The following NCAM2 variants were observed in gnomAD, a reference collection of about 807,000 sequenced individuals.
NCAM2 encodes neural cell adhesion molecule 2.
Under a neutral mutation model 98.1 loss-of-function variants are expected in NCAM2, and 30 were observed. The observed-to-expected ratio is 0.31, with a 90% CI of 0.23 to 0.41. The LOEUF (loss-of-function observed/expected upper bound fraction) is 0.41, where lower values mean the gene tolerates loss of function less well. Among genes scored for constraint, NCAM2 ranks in the 10% least tolerant of loss-of-function variants. The pLI is 1.00. For missense variants in NCAM2, 867 were observed against 1,005.8 expected, an observed-to-expected ratio of 0.86 and a Z score of 1.87; for synonymous variants, 368 against 342.4, an observed-to-expected ratio of 1.07 and a Z score of -0.83.
intron 1 of NCAM2, among the ~76,000 whole-genome samples, chr21:21,227,236 C>T (rs1320687927): frequency 6.6e-6 from 1 of 151,654 alleles, no homozygotes; most frequent in East Asian, 1.9e-4. Context: ...TAATTGATGA[C>T]AGTAAATCAA....
chr21:21,276,245 T>C (rs1424870488), intron 1 of NCAM2, among the ~76,000 whole-genome samples: 1 of 152,110 alleles, frequency 6.6e-6, no homozygotes, highest in Non-Finnish European at 1.5e-5. Context: ...AACCCCTTGA[T>C]ATTAGAAAGT....
At chr21:21,502,255 G>A (rs1196358221) in intron 15 of NCAM2, among the ~76,000 whole-genome samples, 3 of 151,848 alleles carry the variant, frequency 2.0e-5, no homozygotes, top group Non-Finnish European at 4.4e-5. Context: ...AAACTCTAAA[G>A]AACAGTTATT....
intron 15 of NCAM2, among the ~76,000 whole-genome samples, chr21:21,487,828 G>A (rs1315193878): frequency 6.6e-6 from 1 of 152,106 alleles, no homozygotes; most frequent in African/African-American, 2.4e-5. Context: ...GTAGGCCTAG[G>A]AGGTAGCAGT....
chr21:21,535,538 C>T (rs1264841065), intron 17 of NCAM2, among the ~76,000 whole-genome samples: 5 of 151,930 alleles, frequency 3.3e-5, no homozygotes, highest in Non-Finnish European at 1.5e-5. Context: ...CATAAATTCC[C>T]TCTGTCTACC....
intron 1 of NCAM2, among the ~76,000 whole-genome samples, chr21:21,120,686 T>A (rs988003313): frequency 2.7e-5 from 4 of 150,880 alleles, no homozygotes; most frequent in Non-Finnish European, 5.9e-5. Context: ...AATTAAAGTT[T>A]AAAAAAATTG....
chr21:21,482,146 C>T (rs1471540399), intron 15 of NCAM2, among the ~76,000 whole-genome samples: 2 of 151,794 alleles, frequency 1.3e-5, no homozygotes, highest in East Asian at 3.9e-4. Context: ...TTACTGAATC[C>T]GGATTGCTAA....
chr21:21,475,409 A>G (rs1985039533), intron 14 of NCAM2, among the ~76,000 whole-genome samples: 1 of 152,088 alleles, frequency 6.6e-6, no homozygotes, highest in South Asian at 2.1e-4. Context: ...TGTCTTGGTC[A>G]CTATTGTGTT....
At chr21:21,091,976 A>G (rs1397060954) in intron 1 of NCAM2, among the ~76,000 whole-genome samples, 1 of 152,088 alleles carries the variant, frequency 6.6e-6, no homozygotes, top group African/African-American at 2.4e-5. Flanking sequence ...TGTTTTTAGT[A>G]CTTAAAAGAG....
At chr21:21,386,492 A>G (rs1351359046) in intron 9 of NCAM2, among the ~76,000 whole-genome samples, 4 of 152,196 alleles carry the variant, frequency 2.6e-5, no homozygotes, top group African/African-American at 9.6e-5. Context: ...AATTTCAAGG[A>G]CAGCAACTGA....
intron 11 of NCAM2, among the ~76,000 whole-genome samples, chr21:21,429,906 G>C (rs1313068248): frequency 6.6e-6 from 1 of 152,116 alleles, no homozygotes; most frequent in Non-Finnish European, 1.5e-5. Context: ...CCGTAAAGCT[G>C]TGCTCCTGGC....
intron 1 of NCAM2, among the ~76,000 whole-genome samples, chr21:21,092,946 T>G (rs987462939): frequency 3.9e-5 from 6 of 152,182 alleles, no homozygotes; most frequent in Non-Finnish European, 4.4e-5. Flanking sequence ...TCTACAGAAT[T>G]TTTGCAACAA....
At chr21:21,191,031 CT>C (rs1412683963) in intron 1 of NCAM2, among the ~76,000 whole-genome samples, 1 of 152,018 alleles carries the variant, frequency 6.6e-6, no homozygotes, top group Non-Finnish European at 1.5e-5. Flanking sequence ...CATCTAAAAG[CT>C]TTTTACAAAT....
intron 12 of NCAM2, among the ~76,000 whole-genome samples, chr21:21,457,031 T>C (rs968190248): frequency 4.6e-5 from 7 of 152,270 alleles, no homozygotes; most frequent in African/African-American, 1.7e-4. Context: ...CACCAAAAAG[T>C]AGAGGTGCTG....
At chr21:21,446,846 G>A (rs2146107092) in intron 12 of NCAM2, among the ~76,000 whole-genome samples, 1 of 152,112 alleles carries the variant, frequency 6.6e-6, no homozygotes, top group East Asian at 1.9e-4. Context: ...GCTAACAAGG[G>A]AATGTGAAGT....
chr21:21,430,891 C>CA (rs2077322805), intron 11 of NCAM2, among the ~76,000 whole-genome samples: 1 of 151,384 alleles, frequency 6.6e-6, no homozygotes, highest in Non-Finnish European at 1.5e-5. Flanking sequence ...ACTAAAAATA[C>CA]AAAAATTAGC....
chr21:21,092,109 C>T (rs1189033417), intron 1 of NCAM2, among the ~76,000 whole-genome samples: 2 of 151,888 alleles, frequency 1.3e-5, no homozygotes, highest in African/African-American at 2.4e-5. Context: ...CAAAGTTCTC[C>T]GTGATACATG....
chr21:21,232,236 T>C (rs915555500), intron 1 of NCAM2, among the ~76,000 whole-genome samples: 33 of 151,684 alleles, frequency 2.2e-4, no homozygotes, highest in African/African-American at 7.2e-4. Context: ...TGCATTTTTC[T>C]TATACTCAAA....
chr21:21,085,549 T>C (rs2065890642), intron 1 of NCAM2, among the ~76,000 whole-genome samples: 1 of 152,140 alleles, frequency 6.6e-6, no homozygotes, highest in Non-Finnish European at 1.5e-5. Context: ...AATCTCTGGA[T>C]GGGCTTCTTT....
intron 1 of NCAM2, among the ~76,000 whole-genome samples, chr21:21,011,329 C>T (rs1227853334): frequency 1.3e-5 from 2 of 151,968 alleles, no homozygotes; most frequent in Admixed American, 6.6e-5. Context: ...AAATGATGCT[C>T]ATTTCACTGA....
Sources: allele counts gnomAD v4.1 joint callset (sites outside exome capture counted in the v4.1 genomes callset), GRCh38; gene constraint gnomAD v4.1.1; transcripts MANE v1.5; gene names NCBI Gene and HGNC (gene_info 2026-07-23, HGNC 2026-07-21).